MRTFA: variants seen among roughly 807,000 people sequenced by gnomAD.
MRTFA encodes myocardin-related transcription factor A.
Under a neutral mutation model 83.5 loss-of-function variants are expected in MRTFA, and 20 were observed. The observed-to-expected ratio is 0.24, with a 90% CI of 0.17 to 0.35. The LOEUF is 0.35. MRTFA is among the 10% of genes least tolerant of loss of function. The pLI, the probability that MRTFA is intolerant of heterozygous loss-of-function variation, is 1.00. For missense variants in MRTFA, 1,200 were observed against 1,224.7 expected (o/e 0.98, Z 0.30); for synonymous variants, 659 against 541.2 (o/e 1.22, Z -3.02).
intron 3 of MRTFA, among the ~76,000 whole-genome samples, chr22:40,507,020 T>C (rs960846870): frequency 2.0e-5 from 3 of 152,224 alleles, no homozygotes; most frequent in Non-Finnish European, 4.4e-5. Context: ...CAATGGCACC[T>C]TGTTAAAAGC....
intron 3 of MRTFA, among the ~76,000 whole-genome samples, chr22:40,551,877 G>A (rs1275755232): frequency 6.6e-6 from 1 of 152,110 alleles, no homozygotes; most frequent in African/African-American, 2.4e-5. Context: ...TGAATTTATG[G>A]AAGGAATAGG....
intron 4 of MRTFA, among the ~76,000 whole-genome samples, chr22:40,442,940 T>G (rs1165445463): frequency 6.6e-6 from 1 of 152,110 alleles, no homozygotes; most frequent in Non-Finnish European, 1.5e-5. Context: ...AAGAATAAGC[T>G]GGGCCCACTC....
At chr22:40,445,707 C>T (rs968266539) in intron 4 of MRTFA, among the ~76,000 whole-genome samples, 2 of 152,120 alleles carry the variant, frequency 1.3e-5, no homozygotes, top group African/African-American at 4.8e-5. Flanking sequence ...CACCACCATG[C>T]CCGGCTAATT....
At chr22:40,519,380 T>C in intron 3 of MRTFA, 2 of 1,287,250 alleles carry the variant, frequency 1.6e-6, no homozygotes, top group Non-Finnish European at 2.1e-6. Context: ...GAGGGTTTTG[T>C]GTAATATTTC....
At chr22:40,567,602 C>G (rs1291726556) in intron 2 of MRTFA, among the ~76,000 whole-genome samples, 2 of 152,128 alleles carry the variant, frequency 1.3e-5, no homozygotes, top group Admixed American at 1.3e-4. Context: ...TGTTGCCAGG[C>G]CACGGAAAAC....
chr22:40,500,808 C>G (rs1176775563), intron 3 of MRTFA, among the ~76,000 whole-genome samples: 6 of 150,994 alleles, frequency 4.0e-5, no homozygotes, highest in Admixed American at 3.3e-4. Context: ...TACACAGACA[C>G]GGCAACCATC....
intron 2 of MRTFA, among the ~76,000 whole-genome samples, chr22:40,562,214 C>A: frequency 9.1e-6 from 1 of 109,376 alleles, no homozygotes; most frequent in Admixed American, 8.8e-5. Flanking sequence ...GAGACTCCAT[C>A]TCAAAAAAAA....
intron 4 of MRTFA, among the ~76,000 whole-genome samples, chr22:40,443,044 G>C (rs998583673): frequency 2.0e-5 from 3 of 152,088 alleles, no homozygotes; most frequent in Non-Finnish European, 2.9e-5. Context: ...TTGAGGTCAG[G>C]AGTTCGAAAC....
chr22:40,540,792 A>G (rs939485287), intron 3 of MRTFA, among the ~76,000 whole-genome samples: 2 of 150,566 alleles, frequency 1.3e-5, no homozygotes, highest in African/African-American at 4.8e-5. Flanking sequence ...AAAAAAAAAA[A>G]AAAACCAAAA....
At chr22:40,535,253 C>T (rs2055147964) in intron 3 of MRTFA, among the ~76,000 whole-genome samples, 1 of 151,634 alleles carries the variant, frequency 6.6e-6, no homozygotes, top group Admixed American at 6.6e-5. Flanking sequence ...CAAAGGTTAG[C>T]AACTAAGGGA....
chr22:40,413,217 A>T (rs1214732183), intron 14 of MRTFA, among the ~76,000 whole-genome samples: 1 of 143,644 alleles, frequency 7.0e-6, no homozygotes, highest in African/African-American at 2.6e-5. Flanking sequence ...AGCACTTGGG[A>T]GGCTGGGACA....
At chr22:40,471,466 T>C (rs1014222314) in intron 3 of MRTFA, among the ~76,000 whole-genome samples, 7 of 151,848 alleles carry the variant, frequency 4.6e-5, no homozygotes, top group Non-Finnish European at 7.4e-5. Flanking sequence ...ATTATTGAAA[T>C]TGAAGAAAGA....
At chr22:40,517,457 T>C (rs1025425410) in intron 3 of MRTFA, among the ~76,000 whole-genome samples, 1 of 151,994 alleles carries the variant, frequency 6.6e-6, no homozygotes, top group Non-Finnish European at 1.5e-5. Flanking sequence ...AAAGGCAATA[T>C]AGTATAGTGG....
chr22:40,418,953 C>T lies in MRTFA; in HGVS notation c.1785G>A (p.Gln595=), dbSNP rs748409067. Residue 595 remains glutamine (Q), a synonymous_variant, in exon 12 of 15, where the codon CAG becomes CAA. Coordinates refer to ENST00000355630, the MANE Select transcript of MRTFA (RefSeq NM_020831.6). ...GGGGGCCCTCCTCCTTCACGAGGATCTGCAGTGGCGAGGCCTGCAGGGTCA... is the reference window on the plus strand; with the variant it reads ...GGGGGCCCTCCTCCTTCACGAGGATTTGCAGTGGCGAGGCCTGCAGGGTCA... 5.0e-6 allele frequency: 8 copies of T among 1,612,884 alleles called. No individual in the cohort carries two copies. The South Asian group carries it at 7.7e-5, about 15-fold the overall frequency.
At chr22:40,629,360 G>C (rs1203071429) in intron 1 of MRTFA, among the ~76,000 whole-genome samples, 3 of 151,238 alleles carry the variant, frequency 2.0e-5, no homozygotes, top group Admixed American at 6.6e-5. Context: ...GCAGGAGAAT[G>C]GCTTGAACCC....
intron 3 of MRTFA, among the ~76,000 whole-genome samples, chr22:40,549,410 C>G (rs774904296): frequency 6.6e-6 from 1 of 152,126 alleles, no homozygotes; most frequent in Non-Finnish European, 1.5e-5. Flanking sequence ...AAAATAAACT[C>G]TAGCACACAC....
chr22:40,619,461 G>T (rs1237749201), intron 1 of MRTFA, among the ~76,000 whole-genome samples: 2 of 152,194 alleles, frequency 1.3e-5, no homozygotes, highest in Admixed American at 1.3e-4. Flanking sequence ...TCCAACAGTT[G>T]TATGGAAAGC....
intron 2 of MRTFA, among the ~76,000 whole-genome samples, chr22:40,572,723 A>T (rs917796537): frequency 6.6e-6 from 1 of 152,204 alleles, no homozygotes; most frequent in African/African-American, 2.4e-5. Context: ...ACGAGAAGCA[A>T]GTCGCGTCTT....
chr22:40,536,276 C>T (rs1442589282), intron 3 of MRTFA, among the ~76,000 whole-genome samples: 3 of 152,072 alleles, frequency 2.0e-5, no homozygotes, highest in Non-Finnish European at 2.9e-5. Flanking sequence ...AAACTCCAGC[C>T]TGGGCAACAG....
Sources: allele counts gnomAD v4.1 joint callset (sites outside exome capture counted in the v4.1 genomes callset), GRCh38; gene constraint gnomAD v4.1.1; transcripts MANE v1.5; gene names NCBI Gene and HGNC (gene_info 2026-07-23, HGNC 2026-07-21).